Variants in FBXW4 observed in about 807,000 individuals in gnomAD.
FBXW4 encodes the protein F-box/WD repeat-containing protein 4.
FBXW4 carries 40 observed loss-of-function variants against 61.8 expected under a neutral mutation model. That is an observed-to-expected ratio of 0.65 (90% CI 0.50 to 0.84). The LOEUF (loss-of-function observed/expected upper bound fraction) is 0.84. FBXW4 is among the 40% of genes least tolerant of loss of function. The probability of loss-of-function intolerance (pLI) is 0.00; values close to 1 mark genes in which losing one functional copy is unlikely to be tolerated. For synonymous variants in FBXW4, 311 were observed against 313.8 expected (o/e 0.99, Z 0.10); for missense variants, 672 against 753.8 (o/e 0.89, Z 1.27).
chr10:101,626,019 T>C (rs1461789889), intron 5 of FBXW4: 1 of 152,112 alleles, frequency 6.6e-6, no homozygotes, highest in Non-Finnish European at 1.5e-5. Flanking sequence ...ATGGGGGAGA[T>C]GTTAGGGCAG....
intron 5 of FBXW4, among the ~76,000 whole-genome samples, chr10:101,628,250 G>A (rs374423339): frequency 7.2e-5 from 11 of 152,158 alleles, no homozygotes; most frequent in Admixed American, 5.9e-4. Context: ...AAATTCAAAC[G>A]GCTTTTGCCC....
Position 101,667,879 on chromosome 10 carries a change from C to G in FBXW4, c.1235+7G>C, listed in dbSNP as rs372688348. The stretch of plus-strand genomic sequence containing the variant: ...GACAAAACCACATCCAAATATGTCT[C>G]CCTTACCTGAGTAATGGGCTGATAG... On this transcript the variant is annotated splice_region_variant and intron_variant, in intron 5 of 8. Transcript: ENST00000331272. 1.9e-6 allele frequency: 3 copies of G among 1,611,482 alleles called. No homozygotes were observed. Among genetic ancestry groups the G allele is most frequent in the East Asian group, 4.5e-5 (2 of 44,874 alleles).
At position 101,619,519 on chromosome 10, in the gene FBXW4, C is replaced by T. The variant is rs374798244; in HGVS notation, c.1301+5226G>A. On this transcript the variant is annotated intron_variant, in intron 6 of 8. Transcript: ENST00000331272. ...CTAAAAATACAAAAAATTAGCCAGG[C>T]GCGGTGGCAGGCACCTGTAGTCCCA... is the stretch of plus-strand genomic sequence containing the variant. Among the ~76,000 whole-genome samples, 123 of 152,166 alleles carry T rather than the reference C, an allele frequency of 8.1e-4. 2 individuals are homozygous for T. Among genetic ancestry groups the T allele is most frequent in the African/African-American group, 2.2e-3 (92 of 41,510 alleles).
At position 101,611,402 on chromosome 10, in the gene FBXW4, C is replaced by T. The variant is rs542215742; in HGVS notation, c.1593G>A (p.Pro531=). ...RRQRACLHAF[P]LTSTPLSSPV... is the part of the protein sequence containing the mutation. ...GGCTGCTGAGGGGAGTCGACGTCAG[C>T]GGGAAGGCCTGGAAGGGAGGGCACA... The change falls in exon 9 of 9, where the codon CCG becomes CCA. Residue 531 remains proline, a synonymous_variant. Coordinates refer to ENST00000331272, the MANE Select transcript of FBXW4 (RefSeq NM_022039.4). This position sits in a 1 kb window ranked among gnomAD's most constrained non-coding sequence, Gnocchi z 4.9. The T allele has an allele frequency of 8.7e-6, 14 of 1,613,328 alleles. 1 individual carries two copies. The highest frequency in any genetic ancestry group is 8.3e-5 in the Admixed American group (5 of 59,912).
chr10:101,670,051 G>A (rs929556656), intron 4 of FBXW4, among the ~76,000 whole-genome samples: 6 of 152,048 alleles, frequency 3.9e-5, no homozygotes, highest in East Asian at 1.9e-4. Flanking sequence ...CACCGCGCCC[G>A]GCCGGGAGTG....
chr10:101,664,593 T>C (rs1411697212), intron 5 of FBXW4, among the ~76,000 whole-genome samples: 1 of 152,100 alleles, frequency 6.6e-6, no homozygotes, highest in African/African-American at 2.4e-5. Context: ...GGAAGAGAGA[T>C]TCCTACTGAG....
intron 5 of FBXW4, among the ~76,000 whole-genome samples, chr10:101,634,010 G>A (rs936907650): frequency 1.3e-5 from 2 of 152,104 alleles, no homozygotes; most frequent in Non-Finnish European, 2.9e-5. Flanking sequence ...CTACTCAGGA[G>A]GCTGAGGCAG....
chr10:101,664,376 A>G (rs1429990368), intron 5 of FBXW4, among the ~76,000 whole-genome samples: 2 of 152,236 alleles, frequency 1.3e-5, no homozygotes, highest in Non-Finnish European at 2.9e-5. Context: ...TCCTAACTGC[A>G]TAAGGGAGCA....
chr10:101,655,024 C>G (rs2064174340), intron 5 of FBXW4, among the ~76,000 whole-genome samples: 1 of 152,044 alleles, frequency 6.6e-6, no homozygotes, highest in Admixed American at 6.6e-5. Flanking sequence ...GAAATGGGGT[C>G]TCACTCTGTT....
chr10:101,686,309 G>C (rs893547034), intron 1 of FBXW4, among the ~76,000 whole-genome samples: 1 of 152,208 alleles, frequency 6.6e-6, no homozygotes, highest in African/African-American at 2.4e-5. Flanking sequence ...CACAGGACTT[G>C]TCAGTGCCTT....
chr10:101,639,958 T>C (rs1195994668), intron 5 of FBXW4, among the ~76,000 whole-genome samples: 2 of 152,218 alleles, frequency 1.3e-5, no homozygotes, highest in Non-Finnish European at 2.9e-5. Flanking sequence ...TCACTTACAA[T>C]AAATGTGTCC....
chr10:101,649,742 G>A (rs2064130707), intron 5 of FBXW4, among the ~76,000 whole-genome samples: 1 of 152,212 alleles, frequency 6.6e-6, no homozygotes. Context: ...CCTGTGCTTG[G>A]TGAACCTTGG....
Position 101,694,379 on chromosome 10 carries a change from A to G in FBXW4, c.725+2T>C. 1 of 1,406,554 alleles carries G rather than the reference A, an allele frequency of 7.1e-7. No individual in the cohort carries two copies. The highest frequency in any genetic ancestry group is 9.2e-7 in the Non-Finnish European group (1 of 1,091,106). 87.1% of individuals were successfully genotyped at this position (1,406,554 alleles called of 1,614,324 possible). Reference sequence around the variant, plus strand: ...GGAGCGGGCGGGCGAGCGGACGCTTACAGGTCGGTGCCGAGCCGCGTGAAG... The same window carrying G: ...GGAGCGGGCGGGCGAGCGGACGCTTGCAGGTCGGTGCCGAGCCGCGTGAAG... On this transcript the variant is annotated splice_donor_variant, in intron 1 of 8. Transcript: ENST00000331272. LOFTEE classifies it high-confidence loss of function. This position sits in a 1 kb window ranked among gnomAD's most constrained non-coding sequence, Gnocchi z 6.0.
At chr10:101,693,058 A>G (rs1233329054) in intron 1 of FBXW4, among the ~76,000 whole-genome samples, 1 of 152,210 alleles carries the variant, frequency 6.6e-6, no homozygotes, top group Non-Finnish European at 1.5e-5. Flanking sequence ...TCCCAGGTGA[A>G]ACAAACACAT....
At position 101,676,447 on chromosome 10, in the gene FBXW4, A is replaced by G. The variant is rs1184964931; in HGVS notation, c.726-11T>C. 6.2e-7 allele frequency: 1 copy of G among 1,603,880 alleles called. No individual in the cohort carries two copies. The highest frequency in any genetic ancestry group is 1.3e-5 in the African/African-American group (1 of 74,666). On this transcript the variant is annotated splice_polypyrimidine_tract_variant and intron_variant, in intron 1 of 8. Coordinates refer to ENST00000331272, the MANE Select transcript of FBXW4 (RefSeq NM_022039.4). ...GGGACACTGGTCATCCTATGTCCAG[A>G]CAGAACAGATAATCCAATCACTACA...
chr10:101,620,268 C>A lies in FBXW4; in HGVS notation c.1301+4477G>T, dbSNP rs75973994. Among the ~76,000 whole-genome samples, 23 of 152,338 alleles carry A rather than the reference C, an allele frequency of 1.5e-4. No individual in the cohort carries two copies. The East Asian group carries it at 3.3e-3, about 22-fold the overall frequency. ...TACTGAAAGATCAAACTTTGTCCTGCCTGTTCATTACCTTAATCCTATTTT... is the reference window on the plus strand; with the variant it reads ...TACTGAAAGATCAAACTTTGTCCTGACTGTTCATTACCTTAATCCTATTTT... On this transcript the variant is annotated intron_variant, in intron 6 of 8. Coordinates refer to ENST00000331272, the MANE Select transcript of FBXW4 (RefSeq NM_022039.4).
intron 5 of FBXW4, among the ~76,000 whole-genome samples, chr10:101,631,865 G>A (rs2063961213): frequency 2.0e-5 from 3 of 152,148 alleles, no homozygotes; most frequent in Admixed American, 1.3e-4. Context: ...CTGACCTTGT[G>A]ATCCACCCAC....
intron 6 of FBXW4, among the ~76,000 whole-genome samples, chr10:101,616,861 A>G: frequency 6.6e-6 from 1 of 152,264 alleles, no homozygotes; most frequent in East Asian, 1.9e-4. Context: ...GATTGTAGAT[A>G]AGGAAACCAA....
At chr10:101,651,385 A>T (rs2064144703) in intron 5 of FBXW4, among the ~76,000 whole-genome samples, 1 of 152,116 alleles carries the variant, frequency 6.6e-6, no homozygotes, top group Non-Finnish European at 1.5e-5. Context: ...GATACATTTC[A>T]AAGTTTCTCT....
Sources: gnomAD v4.1 joint callset for allele counts (sites outside exome capture counted in the v4.1 genomes callset) on GRCh38, gnomAD v4.1.1 for gene constraint, Gnocchi (gnomAD v3.1) non-coding constraint, MANE v1.5 for transcripts, NCBI Gene and HGNC (gene_info 2026-07-23, HGNC 2026-07-21) for gene names.